EFHD1: variants seen among roughly 807,000 people sequenced by gnomAD.
EFHD1 encodes the protein EF-hand domain-containing protein D1.
EFHD1 carries 10 observed loss-of-function variants against 17.2 expected under a neutral mutation model. That is an observed-to-expected ratio of 0.58 (90% CI 0.36 to 0.99). EFHD1 has a LOEUF of 0.99. Ranked by LOEUF, EFHD1 falls within the 50% of genes least tolerant of loss-of-function variation. The pLI, the probability that EFHD1 is intolerant of heterozygous loss-of-function variation, is 0.01. For synonymous variants in EFHD1, 153 were observed against 142.0 expected, an observed-to-expected ratio of 1.08 and a Z score of -0.55; for missense variants, 310 against 327.5, an observed-to-expected ratio of 0.95 and a Z score of 0.41.
At chr2:232,652,189 C>T (rs537745604) in intron 1 of EFHD1, among the ~76,000 whole-genome samples, 15 of 152,314 alleles carry the variant, frequency 9.8e-5, no homozygotes, top group African/African-American at 2.9e-4. Flanking sequence ...TTCCTCTTGG[C>T]GAACAATGAA....
At chr2:232,631,260 GTTTCTCTCTCTCTCTCTCTC>G (rs1694195692), upstream of EFHD1, among the ~76,000 whole-genome samples, 1 of 150,876 alleles carries the variant, frequency 6.6e-6, no homozygotes, top group African/African-American at 2.4e-5. Flanking sequence ...CTCATGCAAA[GTTTCTCTCTCTCTCTCTCTC>G]TTTCTTTCTC....
chr2:232,654,575 C>A (rs114167402), intron 1 of EFHD1, among the ~76,000 whole-genome samples: 7 of 151,780 alleles, frequency 4.6e-5, no homozygotes, highest in Non-Finnish European at 8.8e-5. Flanking sequence ...TGTGGGTATC[C>A]GCCACCCCAC....
At position 232,662,857 on chromosome 2, in the gene EFHD1, G is replaced by A; in HGVS notation, c.358G>A (p.Glu120Lys). 6.3e-7 allele frequency: 1 copy of A among 1,591,930 alleles called. No individual in the cohort carries two copies. The highest frequency in any genetic ancestry group is 1.8e-5 in the Admixed American group (1 of 56,242). The change falls in exon 2 of 4, where the codon GAG becomes AAG. Residue 120 changes from glutamate (E) to lysine (K), a missense_variant. Glu to Lys is a moderately conservative substitution (Grantham distance 56). Coordinates refer to ENST00000264059, the MANE Select transcript of EFHD1 (RefSeq NM_025202.4). ...CCTGATGGAGCTGAAGCTGATGATG[G>A]AGAAGCTGGGGGCCCCCCAGACCCA... Reference protein sequence around the residue: ...IDLMELKLMMEKLGAPQTHLG... With the variant: ...IDLMELKLMMKKLGAPQTHLG...
chr2:232,631,706 A>C (rs557323599), upstream of EFHD1, among the ~76,000 whole-genome samples: 4 of 138,134 alleles, frequency 2.9e-5, no homozygotes, highest in South Asian at 2.1e-4. Context: ...AAAAAAAAAA[A>C]CAAAAACAAA....
intron 1 of EFHD1, chr2:232,610,998 G>A (rs527819989): frequency 6.6e-6 from 1 of 152,380 alleles, no homozygotes; most frequent in African/African-American, 2.4e-5. Flanking sequence ...GAAACATAAT[G>A]AGACCTCATC....
intron 1 of EFHD1, among the ~76,000 whole-genome samples, chr2:232,618,417 A>G (rs10933399): frequency 0.44 from 67,538 of 152,084 alleles, 15,680 homozygotes; most frequent in Middle Eastern, 0.61. Context: ...GCTCAACGTT[A>G]TTAGTCATTA....
chr2:232,647,848 G>A (rs926888429), intron 1 of EFHD1, among the ~76,000 whole-genome samples: 2 of 151,948 alleles, frequency 1.3e-5, no homozygotes, highest in African/African-American at 4.8e-5. Flanking sequence ...GGTTGGCCAG[G>A]CTGGTCTCAA....
intron 1 of EFHD1, among the ~76,000 whole-genome samples, chr2:232,647,599 C>T (rs1694556022): frequency 6.6e-6 from 1 of 151,962 alleles, no homozygotes; most frequent in African/African-American, 2.4e-5. Flanking sequence ...TCCAGGGGCC[C>T]TTCCAACCCA....
intron 1 of EFHD1, among the ~76,000 whole-genome samples, chr2:232,657,540 T>C (rs1170120648): frequency 6.6e-6 from 1 of 152,170 alleles, no homozygotes; most frequent in Non-Finnish European, 1.5e-5. Flanking sequence ...CCAGGCATGG[T>C]GGCTCACGCC....
upstream of EFHD1, among the ~76,000 whole-genome samples, chr2:232,633,016 TC>T (rs1475335391): frequency 6.6e-6 from 1 of 152,272 alleles, no homozygotes; most frequent in Non-Finnish European, 1.5e-5. Flanking sequence ...TTTTTTCTGC[TC>T]GTTTGCTCTC....
At chr2:232,643,531 C>T (rs973052925) in intron 1 of EFHD1, among the ~76,000 whole-genome samples, 1 of 151,468 alleles carries the variant, frequency 6.6e-6, no homozygotes, top group African/African-American at 2.4e-5. Flanking sequence ...CCCGAGTCCC[C>T]GCACCCCAAC....
chr2:232,633,368 C>T, upstream of EFHD1: 2 of 865,054 alleles, frequency 2.3e-6, no homozygotes, highest in Non-Finnish European at 2.9e-6. Context: ...GGAGTTGATC[C>T]GAGGGTCCCT....
intron 3 of EFHD1, 21 bp downstream of exon 3, chr2:232,672,464 G>A (rs1695094679): frequency 6.4e-7 from 1 of 1,566,282 alleles, no homozygotes; most frequent in East Asian, 2.2e-5. Context: ...AGTTCCTTCT[G>A]TGAGGAGCAA....
intron 1 of EFHD1, among the ~76,000 whole-genome samples, chr2:232,646,569 T>C (rs1469657495): frequency 3.3e-5 from 5 of 150,314 alleles, no homozygotes; most frequent in African/African-American, 4.9e-5. Context: ...CTCAGCCTCC[T>C]GAGTAGCTGA....
rs576736405 is a variant in EFHD1, at chr2:232,648,643, G to C, written c.303-14159G>C. On this transcript the variant is annotated intron_variant, in intron 1 of 3. Coordinates refer to ENST00000264059, the MANE Select transcript of EFHD1 (RefSeq NM_025202.4). Reference sequence around the variant, plus strand: ...GACCACCTGCCGGTGGGTGTAGTCTGTGCTGCCCTTCTCTGCCTTGAACGT... The same window carrying C: ...GACCACCTGCCGGTGGGTGTAGTCTCTGCTGCCCTTCTCTGCCTTGAACGT... Among the ~76,000 whole-genome samples the C allele has an allele frequency of 2.6e-5, 4 of 152,140 alleles. No homozygotes were observed. In the East Asian group the frequency reaches 5.8e-4, roughly 22 times the overall value.
chr2:232,656,107 G>A (rs1317051724), intron 1 of EFHD1, among the ~76,000 whole-genome samples: 2 of 152,148 alleles, frequency 1.3e-5, no homozygotes, highest in African/African-American at 4.8e-5. Flanking sequence ...TGCCCGGCCT[G>A]TGTGGGGTCT....
intron 2 of EFHD1, among the ~76,000 whole-genome samples, chr2:232,670,552 A>G (rs1695046726): frequency 1.3e-5 from 2 of 152,158 alleles, no homozygotes; most frequent in Non-Finnish European, 2.9e-5. Flanking sequence ...TGGATTATTC[A>G]ACAAATGATG....
At chr2:232,672,253 G>A (rs1695084835) in intron 2 of EFHD1, 56 bp from the exon 3 acceptor site, 2 of 1,611,704 alleles carry the variant, frequency 1.2e-6, no homozygotes, top group Non-Finnish European at 1.7e-6. Context: ...CCAGAGGGCT[G>A]GTTATGAATC....
chr2:232,638,248 G>A (rs563673490), intron 1 of EFHD1: 1 of 432,634 alleles, frequency 2.3e-6, no homozygotes, highest in African/African-American at 2.0e-5. Flanking sequence ...TTCAAAGGGA[G>A]GCAATGAGGG....
Sources: gnomAD v4.1 joint callset for allele counts (sites outside exome capture counted in the v4.1 genomes callset) on GRCh38, gnomAD v4.1.1 for gene constraint, MANE v1.5 for transcripts, NCBI Gene and HGNC (gene_info 2026-07-23, HGNC 2026-07-21) for gene names.